AMBRA1: variants seen among roughly 807,000 people sequenced by gnomAD.
AMBRA1 encodes the protein activating molecule in BECN1-regulated autophagy protein 1.
A neutral mutation model predicts 125.4 loss-of-function variants in AMBRA1; 47 were observed. That is an observed-to-expected ratio of 0.37 (90% CI 0.30 to 0.48). AMBRA1 has a LOEUF of 0.48. Ranked by LOEUF, AMBRA1 falls within the 20% of genes least tolerant of loss-of-function variation. The probability of loss-of-function intolerance (pLI) is 0.99; values close to 1 mark genes in which losing one functional copy is unlikely to be tolerated. For missense variants in AMBRA1, 1,331 were observed against 1,693.4 expected, an observed-to-expected ratio of 0.79 and a Z score of 3.76; for synonymous variants, 626 against 655.5, an observed-to-expected ratio of 0.95 and a Z score of 0.69.
At chr11:46,574,688 G>GAGAGAACTA (rs1307355994) in intron 1 of AMBRA1, among the ~76,000 whole-genome samples, 3 of 152,154 alleles carry the variant, frequency 2.0e-5, no homozygotes, top group African/African-American at 7.2e-5. Flanking sequence ...AAGCAAGGTT[G>GAGAGAACTA]AGAGAACTAA....
At chr11:46,558,501 A>C (rs1400024083) in intron 1 of AMBRA1, among the ~76,000 whole-genome samples, 1 of 144,540 alleles carries the variant, frequency 6.9e-6, no homozygotes, top group Non-Finnish European at 1.5e-5. Flanking sequence ...ATGAGCTGAG[A>C]TCCCACTACT....
chr11:46,468,556 T>G (rs1262315067), intron 11 of AMBRA1, among the ~76,000 whole-genome samples: 3 of 150,016 alleles, frequency 2.0e-5, no homozygotes, highest in Non-Finnish European at 4.4e-5. Context: ...CCCAGCACTT[T>G]GGGAGGCTGA....
chr11:46,568,795 A>C (rs1331026672), intron 1 of AMBRA1, among the ~76,000 whole-genome samples: 2 of 142,098 alleles, frequency 1.4e-5, no homozygotes, highest in Non-Finnish European at 1.5e-5. Flanking sequence ...AGGAACCCTC[A>C]ACCCTACCTT....
intron 8 of AMBRA1, among the ~76,000 whole-genome samples, chr11:46,511,959 A>G (rs528951704): frequency 6.6e-6 from 1 of 152,156 alleles, no homozygotes; most frequent in South Asian, 2.1e-4. Flanking sequence ...AGTTCAAGTG[A>G]TTCTCCTGCC....
chr11:46,428,837 C>A, intron 14 of AMBRA1: 1 of 1,611,382 alleles, frequency 6.2e-7, no homozygotes, highest in Non-Finnish European at 8.5e-7. Context: ...ACCTTTAGGC[C>A]GAGGCCTGCC....
chr11:46,434,545 C>A (rs1454835079), intron 13 of AMBRA1, among the ~76,000 whole-genome samples: 1 of 152,188 alleles, frequency 6.6e-6, no homozygotes, highest in East Asian at 1.9e-4. Flanking sequence ...AGAGCTGACA[C>A]ATTTTGGGAG....
intron 1 of AMBRA1, among the ~76,000 whole-genome samples, chr11:46,590,748 G>A (rs1237160679): frequency 6.6e-6 from 1 of 151,720 alleles, no homozygotes; most frequent in Non-Finnish European, 1.5e-5. Context: ...AAAGCTGAGT[G>A]AAAATACAAA....
Position 46,542,733 on chromosome 11 carries a change from G to A in AMBRA1, c.1284C>T (p.Ser428=). The stretch of plus-strand genomic sequence containing the variant: ...GGGGCATGGATTCCGCCTCAGAGCG[G>A]GAGTTCAGACTGAGTACTGTCCGGG... ...EWTRTVLSLN[S]RSEAESMPPP... is the part of the protein sequence containing the mutation. The change falls in exon 7 of 18, where the codon TCC becomes TCT. Residue 428 remains serine (S), a synonymous_variant. Coordinates refer to ENST00000683756, the MANE Select transcript of AMBRA1 (RefSeq NM_001387011.1). This position sits in a 1 kb window ranked among gnomAD's most constrained non-coding sequence, Gnocchi z 5.9. The A allele has an allele frequency of 1.2e-6, 2 of 1,614,010 alleles. No homozygotes were observed. The highest frequency in any genetic ancestry group is 1.7e-6 in the Non-Finnish European group (2 of 1,180,002).
At chr11:46,432,654 A>T (rs1365972403) in intron 14 of AMBRA1, among the ~76,000 whole-genome samples, 1 of 152,246 alleles carries the variant, frequency 6.6e-6, no homozygotes, top group Non-Finnish European at 1.5e-5. Context: ...TGGGTGGATT[A>T]AACACATACG....
At chr11:46,553,935 TA>T (rs1453753255) in intron 1 of AMBRA1, among the ~76,000 whole-genome samples, 12 of 152,156 alleles carry the variant, frequency 7.9e-5, no homozygotes, top group Admixed American at 4.6e-4. Flanking sequence ...CTGAATAGGC[TA>T]AGGATGAACT....
chr11:46,463,858 A>T (rs1383063018), intron 11 of AMBRA1, among the ~76,000 whole-genome samples: 1 of 152,202 alleles, frequency 6.6e-6, no homozygotes, highest in Non-Finnish European at 1.5e-5. Flanking sequence ...TAACAAAAAA[A>T]TTCCTGCTCT....
intron 11 of AMBRA1, among the ~76,000 whole-genome samples, chr11:46,471,307 G>A (rs368961450): frequency 9.9e-5 from 15 of 151,792 alleles, no homozygotes; most frequent in East Asian, 5.9e-4. Context: ...GTCTGGGCAC[G>A]GTGGCTCATA....
intron 7 of AMBRA1, among the ~76,000 whole-genome samples, chr11:46,538,818 T>A (rs1159480103): frequency 6.6e-6 from 1 of 152,202 alleles, no homozygotes; most frequent in Non-Finnish European, 1.5e-5. Flanking sequence ...GGGTTTTAAA[T>A]AACCTACTTT....
intron 14 of AMBRA1, among the ~76,000 whole-genome samples, chr11:46,418,788 C>A (rs764277608): frequency 5.3e-5 from 8 of 152,196 alleles, no homozygotes; most frequent in Non-Finnish European, 1.0e-4. Context: ...TAATAATGCG[C>A]TCTCCTTAGA....
intron 4 of AMBRA1, among the ~76,000 whole-genome samples, chr11:46,546,813 G>A (rs1381427490): frequency 1.3e-5 from 2 of 152,186 alleles, no homozygotes; most frequent in Non-Finnish European, 1.5e-5. Flanking sequence ...GCTCATGCCT[G>A]TAATCCCAGC....
rs374387714 is a variant in AMBRA1, at chr11:46,397,755, G to C, written c.3592C>G (p.Pro1198Ala). 26 of 1,612,550 alleles carry C rather than the reference G, an allele frequency of 1.6e-5. No individual in the cohort carries two copies. Among genetic ancestry groups the C allele is most frequent in the Admixed American group, 3.3e-5 (2 of 60,002 alleles). Residue 1198 changes from proline (P) to alanine (A), a missense_variant, in exon 18 of 18, where the codon CCT becomes GCT. Transcript: ENST00000683756. Reference protein sequence around the residue: ...IHRSSQTGTEPGAAHTSSPQP... With the variant: ...IHRSSQTGTEAGAAHTSSPQP... Reference sequence around the variant, plus strand: ...GGTGAGGAGGTGTGGGCGGCACCAGGTTCAGTGCCCGTCTGAGAGCTGCGG... The same window carrying C: ...GGTGAGGAGGTGTGGGCGGCACCAGCTTCAGTGCCCGTCTGAGAGCTGCGG...
At chr11:46,428,410 T>C (rs1590781617) in intron 14 of AMBRA1, among the ~76,000 whole-genome samples, 1 of 152,266 alleles carries the variant, frequency 6.6e-6, no homozygotes, top group East Asian at 1.9e-4. Context: ...CAAAACTGCA[T>C]TCTATCCCAG....
chr11:46,397,920 T>A lies in AMBRA1; in HGVS notation c.3427A>T (p.Ser1143Cys), dbSNP rs1172155334. ...ATCCTGCTGAGCGCATCTTCTCCAC[T>A]GGCACCATACTCTGAACCCTCACCT... Reference protein sequence around the residue: ...GEGEGSEYGASGEDALSRIQR... With the variant: ...GEGEGSEYGACGEDALSRIQR... Residue 1143 changes from serine to cysteine, a missense_variant, in exon 18 of 18, where the codon AGT becomes TGT. Physicochemically the swap from Ser to Cys is moderately radical, Grantham distance 112. Transcript: ENST00000683756. The A allele has an allele frequency of 3.1e-5, 49 of 1,597,100 alleles. No individual in the cohort carries two copies. The highest frequency in any genetic ancestry group is 4.0e-5 in the Non-Finnish European group (47 of 1,177,986).
At chr11:46,565,119 T>C (rs1171282993) in intron 1 of AMBRA1, among the ~76,000 whole-genome samples, 1 of 151,534 alleles carries the variant, frequency 6.6e-6, no homozygotes, top group African/African-American at 2.4e-5. Flanking sequence ...TAGCTGGGCA[T>C]GGTGGCATTC....
Sources: gnomAD v4.1 joint callset for allele counts (sites outside exome capture counted in the v4.1 genomes callset) on GRCh38, gnomAD v4.1.1 for gene constraint, Gnocchi (gnomAD v3.1) non-coding constraint, MANE v1.5 for transcripts, NCBI Gene and HGNC (gene_info 2026-07-23, HGNC 2026-07-21) for gene names.